NR3C2: variants seen among roughly 807,000 people sequenced by gnomAD.
NR3C2 encodes mineralocorticoid receptor.
In NR3C2, 15 loss-of-function variants were observed where a neutral mutation model predicts 86.4. The ratio of observed to expected loss-of-function variants is 0.17; its 90% CI spans 0.12 to 0.27. NR3C2 has a LOEUF of 0.27. Ranked by LOEUF, NR3C2 falls within the 10% of genes least tolerant of loss-of-function variation. NR3C2 has a pLI of 1.00. For synonymous variants in NR3C2, 458 were observed against 450.5 expected (o/e 1.02, Z -0.21); for missense variants, 960 against 1,195.6 (o/e 0.80, Z 2.91).
intron 2 of NR3C2, among the ~76,000 whole-genome samples, chr4:148,264,969 A>C (rs987007587): frequency 5.3e-5 from 8 of 152,192 alleles, no homozygotes; most frequent in African/African-American, 7.2e-5. Flanking sequence ...GGTATTCTGC[A>C]TCCCTCCAAA....
At chr4:148,127,221 T>C (rs1048366463) in intron 6 of NR3C2, among the ~76,000 whole-genome samples, 3 of 152,176 alleles carry the variant, frequency 2.0e-5, no homozygotes, top group Admixed American at 1.3e-4. Flanking sequence ...TTTTGCACAA[T>C]TTTTTGTGCA....
intron 2 of NR3C2, 128 bp from the exon 3 acceptor site, chr4:148,260,245 C>CT: frequency 8.6e-7 from 1 of 1,167,042 alleles, no homozygotes; most frequent in Non-Finnish European, 1.2e-6. Context: ...TGACCACATA[C>CT]TATGTGACTT....
At chr4:148,247,230 A>G (rs181030675) in intron 3 of NR3C2, among the ~76,000 whole-genome samples, 1 of 152,298 alleles carries the variant, frequency 6.6e-6, no homozygotes, top group Non-Finnish European at 1.5e-5. Context: ...TAAAAATGCA[A>G]TAATTTTCTG....
chr4:148,339,127 G>A (rs1298063375), intron 2 of NR3C2, among the ~76,000 whole-genome samples: 1 of 152,160 alleles, frequency 6.6e-6, no homozygotes, highest in Non-Finnish European at 1.5e-5. Context: ...AGCCTTTGGA[G>A]GTAGATGGGT....
At chr4:148,301,739 AC>A (rs1206703127) in intron 2 of NR3C2, among the ~76,000 whole-genome samples, 1 of 152,200 alleles carries the variant, frequency 6.6e-6, no homozygotes, top group Non-Finnish European at 1.5e-5. Flanking sequence ...TACACTTGTA[AC>A]ATATTTAACA....
chr4:148,145,650 C>A (rs1733832637), intron 6 of NR3C2, among the ~76,000 whole-genome samples: 1 of 152,188 alleles, frequency 6.6e-6, no homozygotes, highest in South Asian at 2.1e-4. Context: ...CACAGTGAGA[C>A]CGGCAGCACT....
chr4:148,136,398 G>A (rs1323060008), intron 6 of NR3C2, among the ~76,000 whole-genome samples: 1 of 151,886 alleles, frequency 6.6e-6, no homozygotes, highest in Non-Finnish European at 1.5e-5. Context: ...AAAGGAGAGG[G>A]GGAGAGACAC....
At chr4:148,422,485 G>A (rs72658674) in intron 2 of NR3C2, among the ~76,000 whole-genome samples, 1,984 of 152,108 alleles carry the variant, frequency 0.013, 26 homozygotes, top group South Asian at 0.025. Context: ...TCTATACCCT[G>A]AAACTTTGCA....
intron 4 of NR3C2, among the ~76,000 whole-genome samples, chr4:148,174,248 G>A (rs1735265803): frequency 6.6e-6 from 1 of 152,146 alleles, no homozygotes; most frequent in East Asian, 1.9e-4. Context: ...TTCTGGATCT[G>A]TTTTTCAACT....
At chr4:148,167,991 G>T (rs970948713) in intron 4 of NR3C2, among the ~76,000 whole-genome samples, 4 of 152,204 alleles carry the variant, frequency 2.6e-5, no homozygotes, top group Non-Finnish European at 5.9e-5. Context: ...TCTCTGGCTG[G>T]GCAGCAAACA....
At chr4:148,432,218 C>T (rs575485967) in intron 2 of NR3C2, among the ~76,000 whole-genome samples, 3 of 152,158 alleles carry the variant, frequency 2.0e-5, no homozygotes, top group South Asian at 4.1e-4. Context: ...ATTTTCATTG[C>T]TACGTGTGGT....
intron 8 of NR3C2, among the ~76,000 whole-genome samples, chr4:148,082,927 G>A (rs958731182): frequency 6.6e-6 from 1 of 152,128 alleles, no homozygotes; most frequent in African/African-American, 2.4e-5. Context: ...TTGAGTAGGC[G>A]GTTTTGCCCT....
In NR3C2 at chr4:148,127,520, T is replaced by C. The variant is rs61764564; in HGVS notation, c.2511-7232A>G. 2.2e-4 allele frequency among the ~76,000 whole-genome samples: 33 copies of C among 152,314 alleles called. No homozygotes were observed. The South Asian group carries it at 2.9e-3, about 13-fold the overall frequency. ...AAGTCACCCTTGAACAGTGGACTAATACAAATGTGGTAATAGATTACTGAT... is the reference window on the plus strand; with the variant it reads ...AAGTCACCCTTGAACAGTGGACTAACACAAATGTGGTAATAGATTACTGAT... On this transcript the variant is annotated intron_variant, in intron 6 of 8. Coordinates refer to ENST00000358102, the MANE Select transcript of NR3C2 (RefSeq NM_000901.5).
chr4:148,080,914 G>A lies in NR3C2; in HGVS notation c.*430C>T. 1 of 330,128 alleles carries A rather than the reference G, an allele frequency of 3.0e-6. No individual in the cohort carries two copies. Among genetic ancestry groups the A allele is most frequent in the Non-Finnish European group, 6.3e-6 (1 of 159,990 alleles). The allele number at this position is 330,128 out of a possible 1,614,324, so 20.4% of individuals were successfully genotyped here. ...TTTTTAATAACAAAAGAATATTAATGCCCCATATTGACTATACGTTTTATG... is the reference window on the plus strand; with the variant it reads ...TTTTTAATAACAAAAGAATATTAATACCCCATATTGACTATACGTTTTATG... On this transcript the variant is annotated 3_prime_UTR_variant, in exon 9 of 9. Transcript: ENST00000358102.
intron 6 of NR3C2, among the ~76,000 whole-genome samples, chr4:148,127,744 G>T (rs1487916590): frequency 6.6e-6 from 1 of 152,118 alleles, no homozygotes; most frequent in Non-Finnish European, 1.5e-5. Context: ...CCATTCCAGA[G>T]GTTGGGTTAA....
chr4:148,338,050 A>T (rs1744579149), intron 2 of NR3C2, among the ~76,000 whole-genome samples: 1 of 152,160 alleles, frequency 6.6e-6, no homozygotes, highest in Non-Finnish European at 1.5e-5. Context: ...ATTAAATAAA[A>T]CGGGTCTCAT....
At chr4:148,250,645 A>G (rs1283074259) in intron 3 of NR3C2, among the ~76,000 whole-genome samples, 1 of 152,202 alleles carries the variant, frequency 6.6e-6, no homozygotes, top group Non-Finnish European at 1.5e-5. Context: ...TTGCAAGAAA[A>G]CAACTCCAGG....
intron 2 of NR3C2, among the ~76,000 whole-genome samples, chr4:148,289,332 T>G (rs1182616063): frequency 6.6e-6 from 1 of 151,310 alleles, no homozygotes; most frequent in African/African-American, 2.4e-5. Context: ...GAAATCTTAG[T>G]GATAAGTGTG....
intron 3 of NR3C2, among the ~76,000 whole-genome samples, chr4:148,211,831 CTGG>C (rs2149817134): frequency 6.6e-6 from 1 of 152,330 alleles, no homozygotes; most frequent in Admixed American, 6.5e-5. Context: ...CAATCATTTT[CTGG>C]TGGACTTAGT....
Sources: gnomAD v4.1 joint callset for allele counts (sites outside exome capture counted in the v4.1 genomes callset) on GRCh38, gnomAD v4.1.1 for gene constraint, MANE v1.5 for transcripts, NCBI Gene and HGNC (gene_info 2026-07-23, HGNC 2026-07-21) for gene names.